Variants in DRC4 observed in about 807,000 individuals in gnomAD.
DRC4 encodes the protein GAS-11.
chr16:90,044,078 A>G, the DRC4 span: 10 of 443,696 alleles, frequency 2.3e-5, no homozygotes, highest in Admixed American at 3.0e-4. Flanking sequence ...TCAGCAGCCC[A>G]GACTGAGGGT....
At chr16:90,039,967 C>T in the DRC4 span, 3 of 368,474 alleles carry the variant, frequency 8.1e-6, no homozygotes, top group Non-Finnish European at 1.6e-5. Context: ...CCACAGCCCT[C>T]ACTCGGGCAA....
chr16:90,029,349 A>C, the DRC4 span: 1 of 1,335,136 alleles, frequency 7.5e-7, no homozygotes, highest in Non-Finnish European at 1.0e-6. Flanking sequence ...TCATCTGTTC[A>C]CTGGGGAGTG....
At chr16:90,024,884 A>T in the DRC4 span, among the ~76,000 whole-genome samples, 1 of 151,974 alleles carries the variant, frequency 6.6e-6, no homozygotes, top group Non-Finnish European at 1.5e-5. Flanking sequence ...CAACCAAACT[A>T]CTTCTGTTTC....
At chr16:90,023,437 G>A in the DRC4 span, among the ~76,000 whole-genome samples, 1 of 152,310 alleles carries the variant, frequency 6.6e-6, no homozygotes, top group Admixed American at 6.5e-5. Context: ...CAATTTCTGG[G>A]CAGGTGTGGC....
At chr16:90,032,035 A>C in the DRC4 span, among the ~76,000 whole-genome samples, 2 of 151,872 alleles carry the variant, frequency 1.3e-5, no homozygotes, top group Non-Finnish European at 2.9e-5. Context: ...ACAGGTGAGG[A>C]GGTGTAGTAC....
the DRC4 span, among the ~76,000 whole-genome samples, chr16:90,030,574 G>A: frequency 2.0e-5 from 3 of 150,306 alleles, no homozygotes; most frequent in African/African-American, 7.4e-5. Context: ...TCAACTCTGG[G>A]GCTCAAAAGA....
the DRC4 span, chr16:90,044,321 TAG>T: frequency 2.4e-6 from 1 of 421,298 alleles, no homozygotes; most frequent in Non-Finnish European, 4.7e-6. Context: ...TGTGTCCTCG[TAG>T]AGTCTATTGC....
At chr16:90,043,605 C>T in the DRC4 span, 12 of 604,610 alleles carry the variant, frequency 2.0e-5, no homozygotes, top group East Asian at 1.6e-4. Context: ...GTCTCACCTC[C>T]GACCACAGTC....
the DRC4 span, among the ~76,000 whole-genome samples, chr16:90,033,161 G>GA: frequency 2.6e-5 from 4 of 152,104 alleles, no homozygotes; most frequent in African/African-American, 9.7e-5. Context: ...CGTCACCGAA[G>GA]AGAAAAAATC....
chr16:90,022,725 G>C, the DRC4 span: 2 of 1,418,744 alleles, frequency 1.4e-6, no homozygotes, highest in East Asian at 5.9e-5. Context: ...TGGCGTCATG[G>C]TGAGCAGGGG....
the DRC4 span, chr16:90,043,897 C>T: frequency 4.0e-5 from 18 of 453,474 alleles, no homozygotes; most frequent in Admixed American, 1.7e-4. Context: ...GGCAGCCTCC[C>T]GCTGCCAGTC....
the DRC4 span, chr16:90,037,291 G>A: frequency 1.0e-4 from 165 of 1,613,996 alleles, no homozygotes; most frequent in African/African-American, 2.1e-3. Context: ...TGGCAGAGGT[G>A]TCTGGGCAGA....
At chr16:90,028,549 T>C in the DRC4 span, among the ~76,000 whole-genome samples, 17 of 152,320 alleles carry the variant, frequency 1.1e-4, no homozygotes, top group Middle Eastern at 3.4e-3. Context: ...GCTGCCTTTT[T>C]CTTGTTGCTT....
the DRC4 span, chr16:90,032,952 T>C: frequency 6.3e-7 from 1 of 1,596,480 alleles, no homozygotes; most frequent in Non-Finnish European, 8.6e-7. Context: ...ACCTGGAGGC[T>C]GACAGGTTGT....
the DRC4 span, chr16:90,037,116 C>T: frequency 9.6e-7 from 1 of 1,038,708 alleles, no homozygotes; most frequent in East Asian, 2.6e-5. Flanking sequence ...GCCAGCATGC[C>T]TGAGGCTGGC....
At chr16:90,038,843 C>T in the DRC4 span, among the ~76,000 whole-genome samples, 10 of 152,374 alleles carry the variant, frequency 6.6e-5, no homozygotes, top group Admixed American at 1.3e-4. Context: ...TTTCAAAGTT[C>T]TGGCCAAGGA....
chr16:90,022,777 C>A, the DRC4 span: 3 of 1,314,478 alleles, frequency 2.3e-6, no homozygotes, highest in South Asian at 1.9e-5. Context: ...CCGGAGACCT[C>A]GGGGCAGGGA....
At chr16:90,019,884 G>C in the DRC4 span, 6 of 676,790 alleles carry the variant, frequency 8.9e-6, no homozygotes, top group Non-Finnish European at 1.6e-5. This position sits in a 1 kb window ranked among gnomAD's most constrained non-coding sequence, Gnocchi z 6.1. Flanking sequence ...CCTGGATGGC[G>C]CGAATTAACG....
chr16:90,031,440 C>T, the DRC4 span: 5 of 1,608,006 alleles, frequency 3.1e-6, no homozygotes, highest in Admixed American at 3.4e-5. Flanking sequence ...GGCTGAGCTG[C>T]GGAACAAAGA....
Sources: gnomAD v4.1 joint callset for allele counts (sites outside exome capture counted in the v4.1 genomes callset) on GRCh38, gnomAD v4.1.1 for gene constraint, Gnocchi (gnomAD v3.1) non-coding constraint, MANE v1.5 for transcripts, NCBI Gene and HGNC (gene_info 2026-07-23, HGNC 2026-07-21) for gene names.